The following CADM2 variants were observed in gnomAD, a reference collection of about 807,000 sequenced individuals.
CADM2 encodes the protein cell adhesion molecule 2, also known as immunoglobulin superfamily member 4D.
Under a neutral mutation model 49.8 loss-of-function variants are expected in CADM2, and 12 were observed. That is an observed-to-expected ratio of 0.24 (90% confidence interval 0.15 to 0.39). CADM2 has a LOEUF of 0.39. Ranked by LOEUF, CADM2 falls within the 10% of genes least tolerant of loss-of-function variation. CADM2 has a pLI of 1.00. For synonymous variants in CADM2, 214 were observed against 175.4 expected, an observed-to-expected ratio of 1.22 and a Z score of -1.74; for missense variants, 378 against 492.3, an observed-to-expected ratio of 0.77 and a Z score of 2.20.
rs545288988 is a variant in CADM2 at position 85,672,187 on chromosome 3, A to T, written c.62-54335A>T. 7.8e-5 allele frequency among the ~76,000 whole-genome samples: 11 copies of T among 141,666 alleles called. No individual in the cohort carries two copies. In the South Asian group the frequency reaches 9.5e-4, roughly 12 times the overall value. The allele number at this position is 141,666 out of a possible 152,430, so 92.9% of individuals were successfully genotyped here. A position where few individuals can be genotyped will look rare whatever the true frequency, so the allele number is the denominator to read the frequency against. ...CATAATTCTAAAATTTACTTCTAGG[A>T]TGTCTTTTTTTTTTTTTTTTTTTGA... is the stretch of plus-strand genomic sequence containing the variant. On this transcript the variant is annotated intron_variant, in intron 1 of 9. Coordinates refer to ENST00000383699, the MANE Select transcript of CADM2 (RefSeq NM_001167675.2).
Position 85,998,696 on chromosome 3 carries a change from C to T in CADM2, c.970+37049C>T, listed in dbSNP as rs185815429. 2.1e-3 allele frequency among the ~76,000 whole-genome samples: 312 copies of T among 151,904 alleles called. 1 individual carries two copies. The highest frequency in any genetic ancestry group is 6.8e-3 in the African/African-American group (281 of 41,420). On this transcript the variant is annotated intron_variant, in intron 8 of 9. Coordinates refer to ENST00000383699, the MANE Select transcript of CADM2 (RefSeq NM_001167675.2). ...AAACAATTTAAATGAAATGATAAAA[C>T]GGTACTTAGGCTTTTGAAGATTGCT...
At chr3:86,009,007 A>T (rs1325038721) in intron 8 of CADM2, among the ~76,000 whole-genome samples, 2 of 150,240 alleles carry the variant, frequency 1.3e-5, no homozygotes, top group East Asian at 2.0e-4. Flanking sequence ...TCTCGCTGAA[A>T]ATAAACACTA....
chr3:85,955,413 A>G (rs1723931653), intron 7 of CADM2, among the ~76,000 whole-genome samples: 1 of 151,334 alleles, frequency 6.6e-6, no homozygotes, highest in Non-Finnish European at 1.5e-5. Flanking sequence ...TTCCTAGGAG[A>G]CCTACATGAT....
rs1476810148 is a variant in CADM2 at position 86,012,552 on chromosome 3, C to A, written c.970+50905C>A. On this transcript the variant is annotated intron_variant, in intron 8 of 9. Transcript: ENST00000383699. ...GCGGAGGGCTGGGCCAGCCAGCGGGCGGGCGAAGATGCCGAACTTCTGCGC... is the reference window on the plus strand; with the variant it reads ...GCGGAGGGCTGGGCCAGCCAGCGGGAGGGCGAAGATGCCGAACTTCTGCGC... 3.4e-6 allele frequency: 5 copies of A among 1,481,184 alleles called. No individual in the cohort carries two copies. In the South Asian group the frequency reaches 5.1e-5, roughly 15 times the overall value. The allele number at this position is 1,481,184 out of a possible 1,614,324, so 91.8% of individuals were successfully genotyped here.
At chr3:85,961,361 T>C (rs1724797074) in intron 7 of CADM2, 108 bp from the exon 8 acceptor site, 2 of 904,324 alleles carry the variant, frequency 2.2e-6, no homozygotes, top group Admixed American at 4.8e-5. Flanking sequence ...AGTTAGCATA[T>C]GGTTGTGTAC....
chr3:85,530,908 AC>A (rs1559890306), intron 1 of CADM2, among the ~76,000 whole-genome samples: 176 of 134,284 alleles, frequency 1.3e-3, no homozygotes, highest in African/African-American at 5.8e-3. Context: ...ACACACACAC[AC>A]ACACAAAATT....
At chr3:85,535,219 TAC>T (rs2061398699) in intron 1 of CADM2, among the ~76,000 whole-genome samples, 1 of 152,176 alleles carries the variant, frequency 6.6e-6, no homozygotes. Context: ...CCATTCAATC[TAC>T]ACACCAGTTA....
intron 2 of CADM2, among the ~76,000 whole-genome samples, chr3:85,758,246 T>C (rs915548287): frequency 6.6e-6 from 1 of 152,040 alleles, no homozygotes; most frequent in Non-Finnish European, 1.5e-5. Context: ...AATAAAGCAA[T>C]GAACATTAAT....
At chr3:85,659,021 C>T (rs1386545140) in intron 1 of CADM2, among the ~76,000 whole-genome samples, 1 of 150,046 alleles carries the variant, frequency 6.7e-6, no homozygotes, top group Non-Finnish European at 1.5e-5. Context: ...CATTGCACTT[C>T]AGCCTGGGCA....
chr3:86,066,754 G>A lies in CADM2; in HGVS notation c.1186G>A (p.Ala396Thr). The A allele has an allele frequency of 6.2e-7, 1 of 1,613,282 alleles. No homozygotes were observed. Among genetic ancestry groups the A allele is most frequent in the African/African-American group, 1.3e-5 (1 of 75,018 alleles). Residue 396 changes from alanine to threonine, a missense_variant, in exon 10 of 10, where the codon GCT (alanine) becomes ACT (threonine). Physicochemically the swap from Ala to Thr is moderately conservative, Grantham distance 58. Transcript: ENST00000383699. ...CAATGCTGAAGGCAGCCAAGTCAAT[G>A]CTGAAGAGAAAAAAGAGTATTTCAT... The part of the protein sequence containing the change: ...IINAEGSQVN[A>T]EEKKEYFI
At chr3:85,860,134 T>A (rs535035135) in intron 3 of CADM2, among the ~76,000 whole-genome samples, 68 of 152,310 alleles carry the variant, frequency 4.5e-4, no homozygotes, top group Middle Eastern at 3.4e-3. Flanking sequence ...GATTGAACAT[T>A]ATATAATTTT....
intron 8 of CADM2, chr3:86,012,726 A>T: frequency 3.4e-6 from 3 of 888,166 alleles, no homozygotes; most frequent in Non-Finnish European, 5.5e-6. Flanking sequence ...GCGTTGACTC[A>T]CGCCTGTAAT....
chr3:85,566,864 T>C (rs62250492), intron 1 of CADM2, among the ~76,000 whole-genome samples: 77,724 of 151,870 alleles, frequency 0.51, 22,947 homozygotes, highest in East Asian at 0.85. Context: ...AAAATGAATA[T>C]CTGTACTCCG....
rs1365970914 is a variant in CADM2 at position 86,068,644 on chromosome 3, T to A, written c.*1861T>A. ...GAAAATGTTAGAATTTTAAAGTTTT[T>A]TTTTGATTGTTGAAGCATTTATCTT... On this transcript the variant is annotated 3_prime_UTR_variant, in exon 10 of 10. Transcript: ENST00000383699. 6.6e-6 allele frequency: 1 copy of A among 152,344 alleles called. No homozygotes were observed. Among genetic ancestry groups the A allele is most frequent in the Non-Finnish European group, 1.5e-5 (1 of 67,840 alleles). The allele number at this position is 152,344 out of a possible 1,614,324, so 9.4% of individuals were successfully genotyped here. A position where few individuals can be genotyped will look rare whatever the true frequency, so the allele number is the denominator to read the frequency against.
intron 6 of CADM2, among the ~76,000 whole-genome samples, chr3:85,920,214 A>C (rs1469603739): frequency 6.6e-6 from 1 of 151,894 alleles, no homozygotes; most frequent in Non-Finnish European, 1.5e-5. Flanking sequence ...TATCTCACTC[A>C]TCTGGCATCT....
chr3:85,885,782 G>T (rs1293980421), intron 4 of CADM2, among the ~76,000 whole-genome samples: 1 of 142,116 alleles, frequency 7.0e-6, no homozygotes, highest in East Asian at 2.1e-4. Context: ...AACTTGGGAG[G>T]CAAAGGTTGC....
chr3:85,878,801 C>A (rs113824038), intron 3 of CADM2, among the ~76,000 whole-genome samples: 1 of 152,056 alleles, frequency 6.6e-6, no homozygotes, highest in African/African-American at 2.4e-5. Flanking sequence ...AAAATACAGT[C>A]TGGCTAAAAT....
intron 1 of CADM2, among the ~76,000 whole-genome samples, chr3:85,190,155 C>A (rs956067726): frequency 3.3e-5 from 5 of 151,802 alleles, no homozygotes; most frequent in African/African-American, 1.2e-4. Context: ...AGACCACACT[C>A]AAAAAATGAG....
At chr3:86,022,408 C>A (rs1329559984) in intron 8 of CADM2, among the ~76,000 whole-genome samples, 1 of 152,088 alleles carries the variant, frequency 6.6e-6, no homozygotes, top group African/African-American at 2.4e-5. Context: ...TTCTATCTCT[C>A]TCCTTCTCTT....
Sources: allele counts gnomAD v4.1 joint callset (sites outside exome capture counted in the v4.1 genomes callset), GRCh38; gene constraint gnomAD v4.1.1; transcripts MANE v1.5; gene names NCBI Gene and HGNC (gene_info 2026-07-23, HGNC 2026-07-21).